The following CCDC57 variants were observed in gnomAD, a reference collection of about 807,000 sequenced individuals.
The protein encoded by CCDC57 is coiled-coil domain containing 57, also known as coiled-coil domain-containing protein 57.
Under a neutral mutation model 118.9 loss-of-function variants are expected in CCDC57, and 118 were observed. The observed-to-expected ratio is 0.99, with a 90% CI of 0.86 to 1.16. The LOEUF is 1.16. Ranked by LOEUF, CCDC57 falls within the 50% of genes most tolerant of loss-of-function variation. CCDC57 has a pLI of 0.00. For missense variants in CCDC57, 1,300 were observed against 1,320.7 expected (o/e 0.98, Z 0.24); for synonymous variants, 527 against 532.9 (o/e 0.99, Z 0.15).
intron 19 of CCDC57, among the ~76,000 whole-genome samples, chr17:82,109,615 T>A (rs2035106350): frequency 6.6e-6 from 1 of 152,126 alleles, no homozygotes; most frequent in Middle Eastern, 3.2e-3. Context: ...CCCAGCACTT[T>A]GGGAGGCTGA....
chr17:82,140,635 T>C (rs2039890356), intron 16 of CCDC57, among the ~76,000 whole-genome samples: 2 of 152,242 alleles, frequency 1.3e-5, no homozygotes, highest in Admixed American at 6.5e-5. Flanking sequence ...CTTTGTTTTT[T>C]ACCAGGACTG....
chr17:82,199,426 C>T (rs549788166), intron 3 of CCDC57, among the ~76,000 whole-genome samples: 2 of 141,002 alleles, frequency 1.4e-5, no homozygotes, highest in South Asian at 2.3e-4. Context: ...TGCAGTGATC[C>T]GAGATCGCGC....
intron 16 of CCDC57, among the ~76,000 whole-genome samples, chr17:82,137,162 C>T (rs575249452): frequency 6.6e-6 from 1 of 152,192 alleles, no homozygotes; most frequent in East Asian, 1.9e-4. Context: ...GGATTACAGG[C>T]ACCTGCCACC....
chr17:82,197,174 C>T (rs528583473), intron 4 of CCDC57, among the ~76,000 whole-genome samples: 2 of 145,244 alleles, frequency 1.4e-5, no homozygotes, highest in African/African-American at 5.1e-5. Flanking sequence ...CGCAGCCCCT[C>T]GTGACTCCTG....
At chr17:82,150,443 A>C (rs374186879) in intron 16 of CCDC57, among the ~76,000 whole-genome samples, 5 of 66,976 alleles carry the variant, frequency 7.5e-5, no homozygotes, top group African/African-American at 2.4e-4. Context: ...AGAACCAGGC[A>C]CACACCCAGA....
In CCDC57 at chr17:82,134,208, G is replaced by A; in HGVS notation, c.2456-14C>T. On this transcript the variant is annotated splice_polypyrimidine_tract_variant and intron_variant, in intron 16 of 19. Transcript: ENST00000665763. ...GCAACAGCCACCCTGGGAATGGGAT[G>A]GGGACAGAGTTTGTTCTCTGTGCAT... 1 of 1,312,972 alleles carries A rather than the reference G, an allele frequency of 7.6e-7. No individual in the cohort carries two copies. The highest frequency in any genetic ancestry group is 9.8e-7 in the Non-Finnish European group (1 of 1,024,586). The allele number at this position is 1,312,972 out of a possible 1,614,324, so 81.3% of individuals were successfully genotyped here. A position where few individuals can be genotyped will look rare whatever the true frequency, so the allele number is the denominator to read the frequency against.
intron 3 of CCDC57, among the ~76,000 whole-genome samples, chr17:82,199,890 T>C (rs7217625): frequency 0.47 from 71,091 of 152,008 alleles, 17,409 homozygotes; most frequent in East Asian, 0.88. Context: ...GTGGGTCAAA[T>C]GACTGCTGAC....
intron 19 of CCDC57, among the ~76,000 whole-genome samples, chr17:82,123,743 A>C (rs1207956748): frequency 6.6e-6 from 1 of 152,212 alleles, no homozygotes; most frequent in African/African-American, 2.4e-5. Context: ...AAATCTAGAA[A>C]CTTAAGGAAA....
intron 2 of CCDC57, among the ~76,000 whole-genome samples, chr17:82,206,438 A>C (rs141259099): frequency 7.1e-4 from 108 of 152,254 alleles, no homozygotes; most frequent in Non-Finnish European, 1.4e-3. Context: ...ATTGTAGGTC[A>C]TAAGATCCTC....
intron 16 of CCDC57, among the ~76,000 whole-genome samples, chr17:82,136,286 C>A (rs1352191527): frequency 6.6e-6 from 1 of 152,130 alleles, no homozygotes; most frequent in South Asian, 2.1e-4. Flanking sequence ...CGCCCCAGCA[C>A]GAGGGACCCT....
chr17:82,150,281 G>A (rs1189419766), intron 16 of CCDC57, among the ~76,000 whole-genome samples: 7 of 133,146 alleles, frequency 5.3e-5, no homozygotes, highest in Admixed American at 7.5e-5. Context: ...AGAACCAGGC[G>A]CACACCCAGA....
intron 8 of CCDC57, chr17:82,185,063 C>A (rs1046968407): frequency 3.9e-5 from 6 of 152,414 alleles, no homozygotes; most frequent in African/African-American, 1.4e-4. Context: ...TGTGACTCTG[C>A]CTGGGGCCTC....
At chr17:82,187,147 G>T (rs2047024584) in intron 8 of CCDC57, among the ~76,000 whole-genome samples, 1 of 146,636 alleles carries the variant, frequency 6.8e-6, no homozygotes, top group Non-Finnish European at 1.5e-5. Context: ...TGAGGCAGGA[G>T]AATCGCTTGA....
At chr17:82,187,770 A>T in intron 8 of CCDC57, among the ~76,000 whole-genome samples, 1 of 37,228 alleles carries the variant, frequency 2.7e-5, no homozygotes, top group East Asian at 1.1e-3. Flanking sequence ...AGCTGGCAGG[A>T]GTGGGGCAGG....
intron 12 of CCDC57, 136 bp from the exon 12 acceptor site, chr17:82,171,989 G>T: frequency 1.1e-6 from 1 of 876,782 alleles, no homozygotes; most frequent in Non-Finnish European, 1.8e-6. Flanking sequence ...TCACACTACA[G>T]CTTCACCGTA....
At position 82,172,659 on chromosome 17, in the gene CCDC57, C is replaced by CT. The variant is rs749512579; in HGVS notation, c.1707_1708insA (p.Gly570ArgfsTer8). On this transcript the variant is annotated frameshift_variant, in exon 12 of 20. Transcript: ENST00000665763. LOFTEE classifies it high-confidence loss of function. The surrounding 1 kb of genome is among the most constrained non-coding windows in gnomAD (Gnocchi z 5.2). The stretch of plus-strand genomic sequence containing the variant: ...TCACCAGGAGTGGCGGCATCTCCCC[C>CT]AGCCTCTGGGTCAGGCTGGTTTGCA... 2 of 1,551,678 alleles carry CT rather than the reference C, an allele frequency of 1.3e-6. No homozygotes were observed. Among genetic ancestry groups the CT allele is most frequent in the South Asian group, 2.4e-5 (2 of 84,124 alleles).
chr17:82,197,737 G>A (rs72854713), intron 4 of CCDC57, among the ~76,000 whole-genome samples: 25,810 of 152,116 alleles, frequency 0.17, 2,549 homozygotes, highest in Non-Finnish European at 0.23. Context: ...GTGGATGGGC[G>A]TCATTCAATC....
intron 19 of CCDC57, among the ~76,000 whole-genome samples, chr17:82,105,312 C>T (rs896179795): frequency 8.5e-5 from 13 of 152,198 alleles, no homozygotes; most frequent in African/African-American, 3.1e-4. Flanking sequence ...TTCTGCTGAA[C>T]CCCCTCTGGC....
In CCDC57 at chr17:82,188,310, G is replaced by A. The variant is rs755528734; in HGVS notation, c.961C>T (p.Gln321Ter). The change falls in exon 8 of 20, where the codon CAG becomes TAG. Residue 321 changes from glutamine (Q) to a stop codon, truncating the protein, a stop_gained. Transcript: ENST00000665763. LOFTEE classifies it high-confidence loss of function. ...GCCTCGAGGGTCTCGCAGTGGGCCTGCAGCTCCAGAACCCTGGTCTGCAGC... is the reference window on the plus strand; with the variant it reads ...GCCTCGAGGGTCTCGCAGTGGGCCTACAGCTCCAGAACCCTGGTCTGCAGC... 1 of 1,602,546 alleles carries A rather than the reference G, an allele frequency of 6.2e-7. No individual in the cohort carries two copies. The highest frequency in any genetic ancestry group is 8.5e-7 in the Non-Finnish European group (1 of 1,176,430).
Sources: gnomAD v4.1 joint callset for allele counts (sites outside exome capture counted in the v4.1 genomes callset) on GRCh38, gnomAD v4.1.1 for gene constraint, Gnocchi (gnomAD v3.1) non-coding constraint, MANE v1.5 for transcripts, NCBI Gene and HGNC (gene_info 2026-07-23, HGNC 2026-07-21) for gene names.